The following TENT2 variants were observed in gnomAD, a reference collection of about 807,000 sequenced individuals.
TENT2 encodes the protein poly(A) RNA polymerase GLD2.
Under a neutral mutation model 72.2 loss-of-function variants are expected in TENT2, and 44 were observed. The observed-to-expected ratio is 0.61, with a 90% CI of 0.48 to 0.78. TENT2 has a LOEUF of 0.78. TENT2 is among the 30% of genes least tolerant of loss of function. TENT2 has a pLI of 0.00. For missense variants in TENT2, 541 were observed against 569.6 expected (o/e 0.95, Z 0.51); for synonymous variants, 212 against 192.5 (o/e 1.10, Z -0.84).
intron 3 of TENT2, among the ~76,000 whole-genome samples, chr5:79,622,764 AT>A (rs1766127278): frequency 6.6e-6 from 1 of 152,168 alleles, no homozygotes; most frequent in Admixed American, 6.5e-5. Flanking sequence ...TCATTTTTGA[AT>A]TTCTTCGTTG....
intron 6 of TENT2, among the ~76,000 whole-genome samples, chr5:79,641,612 G>C (rs1784524990): frequency 6.6e-6 from 1 of 151,284 alleles, no homozygotes; most frequent in Non-Finnish European, 1.5e-5. Context: ...CTTTGAAAAT[G>C]CTTATTAAGG....
intron 10 of TENT2, among the ~76,000 whole-genome samples, chr5:79,651,258 C>A (rs778648624): frequency 6.6e-6 from 1 of 151,614 alleles, no homozygotes; most frequent in South Asian, 2.1e-4. Flanking sequence ...AAGTTGGGGA[C>A]AAATAAATAA....
At chr5:79,626,135 G>A (rs1169806903) in intron 4 of TENT2, among the ~76,000 whole-genome samples, 5 of 150,852 alleles carry the variant, frequency 3.3e-5, no homozygotes, top group Non-Finnish European at 7.4e-5. Context: ...CCTAGTTTTT[G>A]TATTTTAAAA....
chr5:79,650,633 A>G (rs1793130061), intron 10 of TENT2, among the ~76,000 whole-genome samples: 1 of 152,132 alleles, frequency 6.6e-6, no homozygotes, highest in South Asian at 2.1e-4. Context: ...GAAAGTTGAG[A>G]TGATTTGATG....
intron 4 of TENT2, among the ~76,000 whole-genome samples, chr5:79,630,817 GT>G (rs34597540): frequency 0.018 from 2,550 of 138,860 alleles, 52 homozygotes; most frequent in African/African-American, 0.046. Flanking sequence ...ACCTATTCAG[GT>G]TTTTTTTTTT....
At position 79,623,469 on chromosome 5, in the gene TENT2, C is replaced by T. The variant is rs1766760690; in HGVS notation, c.445C>T (p.Leu149=). 6.2e-7 allele frequency: 1 copy of T among 1,605,170 alleles called. No individual in the cohort carries two copies. Among genetic ancestry groups the T allele is most frequent in the South Asian group, 1.1e-5 (1 of 90,006 alleles). ...IAFLEPREIT[L]PEAKDKLSQQ... Reference sequence around the variant, plus strand: ...ATTTTTAGAACCTAGAGAAATCACACTGCCTGAGGCCAAAGATAAGGTAAT... The same window carrying T: ...ATTTTTAGAACCTAGAGAAATCACATTGCCTGAGGCCAAAGATAAGGTAAT... The change falls in exon 4 of 15, where the codon CTG becomes TTG. Residue 149 remains leucine (L), a synonymous_variant. Coordinates refer to ENST00000453514, the MANE Select transcript of TENT2 (RefSeq NM_001114394.3).
At chr5:79,645,398 T>A (rs1221478498) in intron 8 of TENT2, among the ~76,000 whole-genome samples, 2 of 152,180 alleles carry the variant, frequency 1.3e-5, no homozygotes, top group Non-Finnish European at 2.9e-5. Flanking sequence ...CTGCTTGACA[T>A]TTTGAATATG....
At chr5:79,653,705 T>C (rs1025047901) in intron 10 of TENT2, among the ~76,000 whole-genome samples, 2 of 152,200 alleles carry the variant, frequency 1.3e-5, no homozygotes. Context: ...CTGGCAAATT[T>C]AAGCTACTCC....
At chr5:79,676,199 G>A (rs1183586743) in intron 12 of TENT2, among the ~76,000 whole-genome samples, 2 of 148,288 alleles carry the variant, frequency 1.3e-5, no homozygotes, top group Non-Finnish European at 3.0e-5. Context: ...CAGCCATATG[G>A]TATCAGACTC....
At chr5:79,670,435 C>T (rs1295794207) in intron 12 of TENT2, among the ~76,000 whole-genome samples, 1 of 151,606 alleles carries the variant, frequency 6.6e-6, no homozygotes, top group African/African-American at 2.4e-5. Flanking sequence ...AGCAATTCTC[C>T]TGCCTCAGCC....
At chr5:79,627,144 AT>A (rs1345500538) in intron 4 of TENT2, among the ~76,000 whole-genome samples, 11 of 151,562 alleles carry the variant, frequency 7.3e-5, no homozygotes, top group African/African-American at 2.7e-4. Context: ...AAAAAAAAAA[AT>A]CTTTTACTGT....
At chr5:79,677,570 T>C (rs1818183507) in intron 12 of TENT2, among the ~76,000 whole-genome samples, 1 of 152,246 alleles carries the variant, frequency 6.6e-6, no homozygotes, top group South Asian at 2.1e-4. Flanking sequence ...GTTTACAGTT[T>C]TAATTCTGCA....
chr5:79,675,681 G>C (rs1816716350), intron 12 of TENT2, among the ~76,000 whole-genome samples: 1 of 152,104 alleles, frequency 6.6e-6, no homozygotes, highest in African/African-American at 2.4e-5. Flanking sequence ...AGCAAGAGTG[G>C]GTAAGAGTTG....
chr5:79,615,222 C>T (rs1385313538), intron 1 of TENT2: 1 of 152,298 alleles, frequency 6.6e-6, no homozygotes, highest in East Asian at 1.9e-4. Flanking sequence ...TTCTGAGCCA[C>T]AAGTCATCTT....
Position 79,623,457 on chromosome 5 carries a change from A to G in TENT2, c.433A>G (p.Arg145Gly). The G allele has an allele frequency of 1.2e-6, 2 of 1,610,458 alleles. No homozygotes were observed. Among genetic ancestry groups the G allele is most frequent in the African/African-American group, 1.3e-5 (1 of 75,012 alleles). Reference protein sequence around the residue: ...PFREIAFLEPREITLPEAKDK... With the variant: ...PFREIAFLEPGEITLPEAKDK... ...TCGAGAAATTGCATTTTTAGAACCT[A>G]GAGAAATCACACTGCCTGAGGCCAA... Residue 145 changes from arginine to glycine, a missense_variant, in exon 4 of 15, where the codon AGA becomes GGA. Physicochemically the swap from Arg to Gly is moderately radical, Grantham distance 125 (BLOSUM62 -2). Transcript: ENST00000453514.
intron 9 of TENT2, 101 bp downstream of exon 9, chr5:79,648,794 T>C (rs968637331): frequency 1.1e-6 from 1 of 925,252 alleles, no homozygotes; most frequent in Middle Eastern, 3.2e-4. Context: ...TGTGTTTAAG[T>C]ATAGTGTATC....
At chr5:79,674,702 T>G (rs1815814522) in intron 12 of TENT2, among the ~76,000 whole-genome samples, 1 of 152,238 alleles carries the variant, frequency 6.6e-6, no homozygotes, top group Middle Eastern at 3.2e-3. Context: ...TTGAATTGTT[T>G]TTAAATTTTA....
At chr5:79,654,504 A>C (rs981964031) in intron 10 of TENT2, among the ~76,000 whole-genome samples, 2 of 152,140 alleles carry the variant, frequency 1.3e-5, no homozygotes, top group Admixed American at 1.3e-4. Flanking sequence ...ATATTCATGG[A>C]ATGTTTACCA....
In TENT2 at chr5:79,659,556, G is replaced by GTATATGTA. The variant is rs1554086833; in HGVS notation, c.1071+2560_1071+2561insGTATATAT. The stretch of plus-strand genomic sequence containing the variant: ...CAAAAAAAAAAAAAAAAAAAAAAAT[G>GTATATGTA]TATATATATATATATATATATATAT... On this transcript the variant is annotated intron_variant, in intron 11 of 14. Coordinates refer to ENST00000453514, the MANE Select transcript of TENT2 (RefSeq NM_001114394.3). Among the ~76,000 whole-genome samples, 22 of 34,276 alleles carry GTATATGTA rather than the reference G, an allele frequency of 6.4e-4. 3 individuals are homozygous for GTATATGTA. The highest frequency in any genetic ancestry group is 2.8e-3 in the African/African-American group (22 of 7,902). 22.5% of individuals were successfully genotyped at this position (34,276 alleles called of 152,430 possible).
Sources: gnomAD v4.1 joint callset for allele counts (sites outside exome capture counted in the v4.1 genomes callset) on GRCh38, gnomAD v4.1.1 for gene constraint, MANE v1.5 for transcripts, NCBI Gene and HGNC (gene_info 2026-07-23, HGNC 2026-07-21) for gene names.